LUZP2: variants seen among roughly 807,000 people sequenced by gnomAD.
LUZP2 encodes leucine zipper protein 2.
Under a neutral mutation model 51.6 loss-of-function variants are expected in LUZP2, and 52 were observed. That is an observed-to-expected ratio of 1.01 (90% CI 0.81 to 1.27). LUZP2 has a LOEUF of 1.27. Among genes scored for constraint, LUZP2 ranks in the 50% most tolerant of loss-of-function variants. LUZP2 has a pLI of 0.00. For synonymous variants in LUZP2, 154 were observed against 137.3 expected, an observed-to-expected ratio of 1.12 and a Z score of -0.85; for missense variants, 436 against 395.4, an observed-to-expected ratio of 1.10 and a Z score of -0.87.
intron 1 of LUZP2, among the ~76,000 whole-genome samples, chr11:24,595,011 C>T (rs138262906): frequency 0.019 from 2,864 of 151,944 alleles, 71 homozygotes; most frequent in African/African-American, 0.066. Context: ...CCGCCCATCT[C>T]GGCCTCCCAA....
chr11:24,561,825 A>AATAATAATAATAATG (rs1409382038), intron 1 of LUZP2, among the ~76,000 whole-genome samples: 2 of 150,196 alleles, frequency 1.3e-5, no homozygotes, highest in Non-Finnish European at 3.0e-5. Flanking sequence ...GTATAATAAT[A>AATAATAATAATAATG]ATAATGATAA....
chr11:24,573,148 A>T (rs56318875), intron 1 of LUZP2, among the ~76,000 whole-genome samples: 21,950 of 151,974 alleles, frequency 0.14, 1,670 homozygotes, highest in South Asian at 0.21. Context: ...AAGCAGGAAG[A>T]TACCAGAGTA....
chr11:24,921,251 A>T (rs976186049), intron 7 of LUZP2, among the ~76,000 whole-genome samples: 2 of 152,144 alleles, frequency 1.3e-5, no homozygotes, highest in African/African-American at 4.8e-5. Context: ...TGTGCGGCAG[A>T]AAAGTGGTTG....
intron 5 of LUZP2, among the ~76,000 whole-genome samples, chr11:24,845,670 C>T (rs1020395565): frequency 2.0e-5 from 3 of 152,250 alleles, no homozygotes; most frequent in Middle Eastern, 3.4e-3. Context: ...GTCTTTCCTA[C>T]ACTCTTCTTG....
chr11:24,947,488 A>G (rs1258225817), intron 7 of LUZP2, among the ~76,000 whole-genome samples: 2 of 152,022 alleles, frequency 1.3e-5, no homozygotes, highest in Non-Finnish European at 2.9e-5. Context: ...TTCAAGTGTT[A>G]ACTATATAAT....
chr11:24,847,264 T>TA (rs1851231186), intron 5 of LUZP2, among the ~76,000 whole-genome samples: 1 of 151,992 alleles, frequency 6.6e-6, no homozygotes, highest in South Asian at 2.1e-4. Context: ...TATATATATA[T>TA]TTTTTTCCTT....
chr11:24,844,454 G>A (rs1320819148), intron 5 of LUZP2, among the ~76,000 whole-genome samples: 1 of 152,138 alleles, frequency 6.6e-6, no homozygotes, highest in African/African-American at 2.4e-5. Context: ...TAAGCAGAGT[G>A]TAAAAGTTCA....
intron 5 of LUZP2, among the ~76,000 whole-genome samples, chr11:24,813,462 G>C (rs1376893005): frequency 2.0e-5 from 3 of 152,116 alleles, no homozygotes; most frequent in Non-Finnish European, 2.9e-5. Context: ...GGGGGAGCAG[G>C]CACATCACAT....
At chr11:24,755,327 C>G (rs774139779) in intron 4 of LUZP2, among the ~76,000 whole-genome samples, 1 of 152,064 alleles carries the variant, frequency 6.6e-6, no homozygotes, top group African/African-American at 2.4e-5. Context: ...CCACATTGAC[C>G]ACCTTTTTGG....
intron 1 of LUZP2, among the ~76,000 whole-genome samples, chr11:24,633,667 G>A (rs1207502776): frequency 6.6e-6 from 1 of 151,844 alleles, no homozygotes. Flanking sequence ...AAGTTTTATA[G>A]AGAAAATATA....
At chr11:25,049,346 C>A (rs1205474223) in intron 9 of LUZP2, among the ~76,000 whole-genome samples, 1 of 152,228 alleles carries the variant, frequency 6.6e-6, no homozygotes, top group Admixed American at 6.5e-5. Flanking sequence ...CCAAGAAACA[C>A]ATACACATTT....
Position 24,824,227 on chromosome 11 carries a change from A to G in LUZP2, c.396+60919A>G, listed in dbSNP as rs556034046. Among the ~76,000 whole-genome samples the G allele has an allele frequency of 1.1e-3, 166 of 145,102 alleles. 2 individuals are homozygous for G. The highest frequency in any genetic ancestry group is 1.9e-3 in the Non-Finnish European group (125 of 65,858). On this transcript the variant is annotated intron_variant, in intron 5 of 11. Transcript: ENST00000336930. ...AAATATACAAAAAAATTAGCCGGGC[A>G]TGGTGGCACATGCCTGTAATCCCAG...
rs749303023 is a variant in LUZP2 at position 24,497,274 on chromosome 11, C to T, written c.31C>T (p.Pro11Ser). The change falls in exon 1 of 12, where the codon CCT becomes TCT. Residue 11 changes from proline to serine, a missense_variant. By Grantham distance (74) the Pro-to-Ser change is moderately conservative. Coordinates refer to ENST00000336930, the MANE Select transcript of LUZP2 (RefSeq NM_001009909.4). ...ATTCAGCCCAGCGCACTACCTGCTG[C>T]CTCTCCTGCCTGCGCTGGTCCTCAG... MKFSPAHYLL[P>S]LLPALVLSTR... The T allele has an allele frequency of 3.2e-6, 5 of 1,567,062 alleles. No homozygotes were observed. The Admixed American group carries it at 7.2e-5, about 23-fold the overall frequency.
At chr11:24,695,138 T>A (rs1857205132) in intron 1 of LUZP2, among the ~76,000 whole-genome samples, 1 of 151,840 alleles carries the variant, frequency 6.6e-6, no homozygotes, top group African/African-American at 2.4e-5. Context: ...TGCCTAGCAA[T>A]AAAAAATATA....
At chr11:24,513,402 A>T (rs1012522697) in intron 1 of LUZP2, among the ~76,000 whole-genome samples, 2 of 145,802 alleles carry the variant, frequency 1.4e-5, no homozygotes, top group African/African-American at 5.3e-5. Flanking sequence ...TTTCATTTTT[A>T]CAATCAGCAT....
chr11:24,687,687 T>TC (rs1856936280), intron 1 of LUZP2, among the ~76,000 whole-genome samples: 2 of 152,258 alleles, frequency 1.3e-5, no homozygotes, highest in Admixed American at 1.3e-4. Context: ...GTCTTGATTT[T>TC]CCCCACTCTA....
At chr11:24,677,761 G>T (rs1287835137) in intron 1 of LUZP2, among the ~76,000 whole-genome samples, 3 of 151,928 alleles carry the variant, frequency 2.0e-5, no homozygotes, top group Non-Finnish European at 4.4e-5. Flanking sequence ...GAGAAAGACA[G>T]AGAGAGGGCG....
In LUZP2 at chr11:24,705,220, A is replaced by G. The variant is rs569365441; in HGVS notation, c.63-23949A>G. Among the ~76,000 whole-genome samples, 3 of 152,258 alleles carry G rather than the reference A, an allele frequency of 2.0e-5. No individual in the cohort carries two copies. In the East Asian group the frequency reaches 5.8e-4, roughly 29 times the overall value. On this transcript the variant is annotated intron_variant, in intron 1 of 11. Transcript: ENST00000336930. ...TGTTCTTTTTATATTTTTTATTTCT[A>G]AAAGGTTGTTCTTGCCTCTTTAAAA...
intron 1 of LUZP2, among the ~76,000 whole-genome samples, chr11:24,656,955 G>C (rs1453522349): frequency 1.3e-5 from 2 of 152,092 alleles, no homozygotes. Context: ...AGTCCCTTTT[G>C]CCATGTAACT....
Sources: allele counts gnomAD v4.1 joint callset (sites outside exome capture counted in the v4.1 genomes callset), GRCh38; gene constraint gnomAD v4.1.1; transcripts MANE v1.5; gene names NCBI Gene and HGNC (gene_info 2026-07-23, HGNC 2026-07-21).